The following TRAPPC10 variants were observed in gnomAD, a reference collection of about 807,000 sequenced individuals.
TRAPPC10 encodes the protein TRAPP 130 kDa subunit.
TRAPPC10 carries 23 observed loss-of-function variants against 125.5 expected under a neutral mutation model. That is an observed-to-expected ratio of 0.18 (90% CI 0.13 to 0.26). TRAPPC10 has a LOEUF of 0.26. Ranked by LOEUF, TRAPPC10 falls within the 10% of genes least tolerant of loss-of-function variation. The pLI is 1.00. For synonymous variants in TRAPPC10, 509 were observed against 518.0 expected, an observed-to-expected ratio of 0.98 and a Z score of 0.24; for missense variants, 1,123 against 1,308.4, an observed-to-expected ratio of 0.86 and a Z score of 2.19.
intron 13 of TRAPPC10, 43 bp downstream of exon 13, chr21:44,080,170 A>G: frequency 6.6e-7 from 1 of 1,525,870 alleles, no homozygotes; most frequent in African/African-American, 1.4e-5. Context: ...ATTTTCAAAT[A>G]TTACAGAAGT....
At chr21:44,093,484 G>A (rs1161981658) in intron 19 of TRAPPC10, among the ~76,000 whole-genome samples, 4 of 146,494 alleles carry the variant, frequency 2.7e-5, no homozygotes, top group African/African-American at 1.0e-4. Flanking sequence ...TCAGCGGGGC[G>A]TGGTGGCTCA....
chr21:44,059,061 TTA>T lies in TRAPPC10; in HGVS notation c.679-40_679-39del. 6.8e-7 allele frequency: 1 copy of T among 1,479,614 alleles called. No homozygotes were observed. Among genetic ancestry groups the T allele is most frequent in the Non-Finnish European group, 9.2e-7 (1 of 1,086,010 alleles). The allele number at this position is 1,479,614 out of a possible 1,614,324, so 91.7% of individuals were successfully genotyped here. A position where few individuals can be genotyped will look rare whatever the true frequency, so the allele number is the denominator to read the frequency against. On this transcript the variant is annotated intron_variant, in intron 5 of 22. Transcript: ENST00000291574. The surrounding 1 kb of genome is among the most constrained non-coding windows in gnomAD (Gnocchi z 4.4). ...CATACTGTTTCTTCTATACATTGATTTATGTTTTTGTTTTTTTAAAAAACGTA... is the reference window on the plus strand; with the variant it reads ...CATACTGTTTCTTCTATACATTGATTTGTTTTTGTTTTTTTAAAAAACGTA...
intron 5 of TRAPPC10, among the ~76,000 whole-genome samples, chr21:44,056,220 A>G (rs918030564): frequency 3.9e-5 from 6 of 152,334 alleles, no homozygotes; most frequent in Admixed American, 3.3e-4. Flanking sequence ...GATAGAAATC[A>G]TCAGTTAAAT....
intron 7 of TRAPPC10, among the ~76,000 whole-genome samples, chr21:44,071,367 G>A (rs2036852847): frequency 1.3e-5 from 2 of 152,174 alleles, no homozygotes; most frequent in East Asian, 1.9e-4. Context: ...TATGCATTTT[G>A]CCACTTGTTT....
At chr21:44,050,834 G>A (rs953963542) in intron 3 of TRAPPC10, among the ~76,000 whole-genome samples, 1 of 152,344 alleles carries the variant, frequency 6.6e-6, no homozygotes, top group East Asian at 1.9e-4. Flanking sequence ...ATACAAATGA[G>A]AAGTACTGCC....
intron 1 of TRAPPC10, among the ~76,000 whole-genome samples, chr21:44,027,678 G>T (rs367714981): frequency 1.3e-5 from 2 of 152,136 alleles, no homozygotes; most frequent in Non-Finnish European, 2.9e-5. Flanking sequence ...CATAGCAGGC[G>T]CACGGTGCTG....
At chr21:44,030,753 CCA>C in intron 1 of TRAPPC10, among the ~76,000 whole-genome samples, 1 of 152,182 alleles carries the variant, frequency 6.6e-6, no homozygotes, top group Admixed American at 6.5e-5. Flanking sequence ...CAGGTGTGAG[CCA>C]TCACGCCTGG....
At chr21:44,046,523 GGGGGGAGGA>G (rs2034823088) in intron 3 of TRAPPC10, 1 of 141,810 alleles carries the variant, frequency 7.1e-6, no homozygotes, top group Non-Finnish European at 1.4e-5. Flanking sequence ...TTTTTTTTTT[GGGGGGAGGA>G]TTGAATTTCG....
At chr21:44,089,630 T>C (rs770255534) in intron 17 of TRAPPC10, 42 of 599,988 alleles carry the variant, frequency 7.0e-5, no homozygotes, top group Non-Finnish European at 1.2e-4. Flanking sequence ...TTCGTTTCTC[T>C]TGTCTGTATG....
At chr21:44,012,632 GC>G in intron 1 of TRAPPC10, 72 bp downstream of exon 1, 1 of 1,375,512 alleles carries the variant, frequency 7.3e-7, no homozygotes, top group Non-Finnish European at 9.9e-7. Flanking sequence ...TGCACCCGGC[GC>G]CCCCAGACCT....
intron 11 of TRAPPC10, among the ~76,000 whole-genome samples, chr21:44,078,998 T>C (rs549966632): frequency 2.0e-4 from 30 of 152,304 alleles, no homozygotes; most frequent in African/African-American, 6.7e-4. Context: ...GTGTGGCTAT[T>C]TTAATTCTCC....
intron 17 of TRAPPC10, chr21:44,088,889 C>G: frequency 6.1e-6 from 1 of 164,370 alleles, no homozygotes. Flanking sequence ...ATCCTCTCTT[C>G]CCTGGCGCTG....
Position 44,055,564 on chromosome 21 carries a change from CA to C in TRAPPC10, c.483-130del. On this transcript the variant is annotated intron_variant, in intron 4 of 22. Transcript: ENST00000291574. ...CTGCACTCCAGCCTGGGCCACAGAG[CA>C]AAACTCTGTCTCAAAAAAAAAAAAA... 4 of 664,856 alleles carry C rather than the reference CA, an allele frequency of 6.0e-6. No homozygotes were observed. In the Admixed American group the frequency reaches 8.9e-5, roughly 15 times the overall value. 41.2% of individuals were successfully genotyped at this position (664,856 alleles called of 1,614,324 possible).
chr21:44,048,484 T>TTTTG (rs776645968), intron 3 of TRAPPC10, among the ~76,000 whole-genome samples: 1 of 152,046 alleles, frequency 6.6e-6, no homozygotes, highest in East Asian at 1.9e-4. Flanking sequence ...TTGTTTTGGT[T>TTTTG]TTTGTTTGTT....
chr21:44,031,952 C>T, intron 1 of TRAPPC10, 139 bp from the exon 2 acceptor site: 1 of 699,546 alleles, frequency 1.4e-6, no homozygotes. Flanking sequence ...TATGTAGAGG[C>T]ACAGGTACAG....
At chr21:44,071,898 A>G (rs1203462815) in intron 7 of TRAPPC10, among the ~76,000 whole-genome samples, 1 of 152,126 alleles carries the variant, frequency 6.6e-6, no homozygotes, top group Non-Finnish European at 1.5e-5. Flanking sequence ...TCTGTTATTC[A>G]GTGAAAGCCT....
Position 44,059,809 on chromosome 21 carries a change from A to T in TRAPPC10, c.790+595A>T. On this transcript the variant is annotated intron_variant, in intron 6 of 22. Transcript: ENST00000291574. This position sits in a 1 kb window ranked among gnomAD's most constrained non-coding sequence, Gnocchi z 4.4. Reference sequence around the variant, plus strand: ...TCTCTGTCGCTCCTTTTTGTTACTCACAGCCCATCCTGGGCATCTCTCCAG... The same window carrying T: ...TCTCTGTCGCTCCTTTTTGTTACTCTCAGCCCATCCTGGGCATCTCTCCAG... 2.8e-6 allele frequency: 1 copy of T among 355,876 alleles called. No homozygotes were observed. The highest frequency in any genetic ancestry group is 2.1e-5 in the African/African-American group (1 of 48,168). The allele number at this position is 355,876 out of a possible 1,614,324, so 22.0% of individuals were successfully genotyped here.
chr21:44,032,180 TTG>T lies in TRAPPC10; in HGVS notation c.149+14_149+15del. 1 of 1,610,392 alleles carries T rather than the reference TTG, an allele frequency of 6.2e-7. No homozygotes were observed. The highest frequency in any genetic ancestry group is 1.3e-5 in the African/African-American group (1 of 74,854). ...ACCAATGGAATGGAGAAGGTATGAG[TTG>T]TGTGTTTTTTGGCTGTATCCCTCTC... On this transcript the variant is annotated intron_variant, in intron 2 of 22. Transcript: ENST00000291574.
intron 7 of TRAPPC10, among the ~76,000 whole-genome samples, chr21:44,066,734 C>T (rs1286367421): frequency 1.3e-5 from 2 of 152,140 alleles, no homozygotes; most frequent in Admixed American, 1.3e-4. Flanking sequence ...CTTCAAAATT[C>T]TTTGCAATTG....
Sources: gnomAD v4.1 joint callset for allele counts (sites outside exome capture counted in the v4.1 genomes callset) on GRCh38, gnomAD v4.1.1 for gene constraint, Gnocchi (gnomAD v3.1) non-coding constraint, MANE v1.5 for transcripts, NCBI Gene and HGNC (gene_info 2026-07-23, HGNC 2026-07-21) for gene names.